Variants in XKR9 observed in about 807,000 individuals in gnomAD.
XKR9 encodes XK related 9.
XKR9 carries 32 observed loss-of-function variants against 32.0 expected under a neutral mutation model. The observed-to-expected ratio is 1.00, with a 90% CI of 0.76 to 1.34. The LOEUF is 1.34. XKR9 is among the 40% of genes most tolerant of loss of function. The pLI is 0.00. For synonymous variants in XKR9, 168 were observed against 143.4 expected (o/e 1.17, Z -1.22); for missense variants, 546 against 429.7 (o/e 1.27, Z -2.39).
chr8:70,893,089 C>T, the XKR9 span, among the ~76,000 whole-genome samples: 3 of 151,784 alleles, frequency 2.0e-5, no homozygotes, highest in African/African-American at 7.3e-5. Flanking sequence ...CTTCAGAGAC[C>T]TTTTTCTCTT....
At chr8:70,707,387 GT>G (rs1350725391) in intron 4 of XKR9, among the ~76,000 whole-genome samples, 1 of 151,976 alleles carries the variant, frequency 6.6e-6, no homozygotes, top group African/African-American at 2.4e-5. Flanking sequence ...CTTCAGAGAA[GT>G]TTTTAAAAGC....
At chr8:70,913,555 AATT>A in the XKR9 span, among the ~76,000 whole-genome samples, 1 of 152,204 alleles carries the variant, frequency 6.6e-6, no homozygotes, top group Non-Finnish European at 1.5e-5. Flanking sequence ...GTAATCAAAA[AATT>A]ATTAACTAGA....
chr8:70,991,703 T>C, the XKR9 span, among the ~76,000 whole-genome samples: 6 of 152,216 alleles, frequency 3.9e-5, no homozygotes, highest in Non-Finnish European at 5.9e-5. Flanking sequence ...ATATGCATCA[T>C]AGAACTATAT....
intron 2 of XKR9, among the ~76,000 whole-genome samples, chr8:70,761,111 C>T (rs1807303100): frequency 6.6e-6 from 1 of 152,164 alleles, no homozygotes; most frequent in Admixed American, 6.5e-5. Context: ...TCCAGTCGAC[C>T]ATTGATGGGC....
the XKR9 span, among the ~76,000 whole-genome samples, chr8:70,881,634 T>C: frequency 2.6e-5 from 4 of 152,126 alleles, no homozygotes; most frequent in Non-Finnish European, 4.4e-5. Context: ...GGAGAGGATG[T>C]GGAGAAATAG....
chr8:70,844,878 C>G, the XKR9 span, among the ~76,000 whole-genome samples: 1 of 152,208 alleles, frequency 6.6e-6, no homozygotes, highest in Admixed American at 6.5e-5. Flanking sequence ...CTGCCATCAC[C>G]CATGCTCCAC....
At chr8:70,922,276 C>G in the XKR9 span, among the ~76,000 whole-genome samples, 295 of 152,310 alleles carry the variant, frequency 1.9e-3, 1 homozygote, top group African/African-American at 6.7e-3. Flanking sequence ...TTTGGCAGAG[C>G]TGATGGGGTA....
the XKR9 span, among the ~76,000 whole-genome samples, chr8:70,946,067 G>A: frequency 2.0e-5 from 3 of 152,012 alleles, no homozygotes; most frequent in South Asian, 4.2e-4. Flanking sequence ...CCTGGGAGGC[G>A]GAGGTTGCAG....
chr8:70,770,095 T>TAATGCAG (rs1371344508), intron 2 of XKR9, among the ~76,000 whole-genome samples: 3 of 152,198 alleles, frequency 2.0e-5, no homozygotes, highest in African/African-American at 7.2e-5. Context: ...TGTTGCTCTT[T>TAATGCAG]AATGCAGAGG....
At chr8:70,746,677 T>C (rs1807063667) in intron 2 of XKR9, among the ~76,000 whole-genome samples, 1 of 151,974 alleles carries the variant, frequency 6.6e-6, no homozygotes, top group African/African-American at 2.4e-5. Context: ...ACTTTAAAAA[T>C]TCTGTCTTGA....
chr8:70,785,461 A>T (rs1163574305), intron 2 of XKR9, among the ~76,000 whole-genome samples: 2 of 151,460 alleles, frequency 1.3e-5, no homozygotes, highest in Non-Finnish European at 2.9e-5. Context: ...ATTTTCATTG[A>T]TTAACAATTA....
the XKR9 span, among the ~76,000 whole-genome samples, chr8:70,894,397 G>A: frequency 6.6e-6 from 1 of 152,120 alleles, no homozygotes. Context: ...CAGGGAAGCA[G>A]GGCATCAGAG....
chr8:70,801,389 A>C, the XKR9 span, among the ~76,000 whole-genome samples: 1 of 152,270 alleles, frequency 6.6e-6, no homozygotes, highest in East Asian at 1.9e-4. Flanking sequence ...ATTGGTTTCA[A>C]ATAATTTGTT....
chr8:71,015,166 C>A, the XKR9 span, among the ~76,000 whole-genome samples: 1 of 152,092 alleles, frequency 6.6e-6, no homozygotes, highest in African/African-American at 2.4e-5. Context: ...TATATCATAC[C>A]ACTTCAGTTC....
chr8:70,798,923 C>A, the XKR9 span, among the ~76,000 whole-genome samples: 1 of 152,150 alleles, frequency 6.6e-6, no homozygotes, highest in Non-Finnish European at 1.5e-5. Context: ...TGTTTTTGTA[C>A]CAGTACCATG....
the XKR9 span, among the ~76,000 whole-genome samples, chr8:70,813,075 G>T: frequency 2.0e-5 from 3 of 152,030 alleles, no homozygotes; most frequent in South Asian, 6.2e-4. Flanking sequence ...AAACAGCATG[G>T]TACTGGTACC....
At chr8:70,782,036 C>T (rs750921025) in intron 2 of XKR9, among the ~76,000 whole-genome samples, 1 of 152,172 alleles carries the variant, frequency 6.6e-6, no homozygotes, top group Non-Finnish European at 1.5e-5. Flanking sequence ...GACCTCTGCT[C>T]CCAAATGTCC....
rs774014288 is a variant in XKR9, at chr8:70,709,371, A to G, written c.493+2218A>G. ...CTGAGAATGGGCAAAAGCTGGAAGC[A>G]TTCCTTTTGAGAACTGGAACAAGAC... is the stretch of plus-strand genomic sequence containing the variant. On this transcript the variant is annotated intron_variant, in intron 4 of 4. Coordinates refer to ENST00000408926, the MANE Select transcript of XKR9 (RefSeq NM_001011720.2). 4.1e-4 allele frequency among the ~76,000 whole-genome samples: 63 copies of G among 152,288 alleles called. 1 individual carries two copies. Among genetic ancestry groups the G allele is most frequent in the Admixed American group, 1.0e-3 (16 of 15,290 alleles).
chr8:70,840,365 G>A, the XKR9 span, among the ~76,000 whole-genome samples: 21 of 151,906 alleles, frequency 1.4e-4, no homozygotes, highest in African/African-American at 5.1e-4. Context: ...GGACAACTTC[G>A]CTGACCTTAT....
Sources: allele counts gnomAD v4.1 joint callset (sites outside exome capture counted in the v4.1 genomes callset), GRCh38; gene constraint gnomAD v4.1.1; transcripts MANE v1.5; gene names NCBI Gene and HGNC (gene_info 2026-07-23, HGNC 2026-07-21).